The following SPAG16 variants were observed in gnomAD, a reference collection of about 807,000 sequenced individuals.
SPAG16 encodes sperm-associated antigen 16 protein.
Under a neutral mutation model 80.4 loss-of-function variants are expected in SPAG16, and 86 were observed. That is an observed-to-expected ratio of 1.07 (90% CI 0.90 to 1.28). The LOEUF (loss-of-function observed/expected upper bound fraction) is 1.28. Among genes scored for constraint, SPAG16 ranks in the 50% most tolerant of loss-of-function variants. The pLI, the probability that SPAG16 is intolerant of heterozygous loss-of-function variation, is 0.00. For synonymous variants in SPAG16, 294 were observed against 265.9 expected (o/e 1.11, Z -1.03); for missense variants, 870 against 765.3 (o/e 1.14, Z -1.61).
chr2:213,329,721 A>T (rs1432836321), intron 5 of SPAG16, among the ~76,000 whole-genome samples: 1 of 152,220 alleles, frequency 6.6e-6, no homozygotes, highest in Non-Finnish European at 1.5e-5. Context: ...GAGGAGCTGA[A>T]TGTTAATCAC....
chr2:213,726,308 C>T (rs1227325755), intron 10 of SPAG16, among the ~76,000 whole-genome samples: 1 of 152,234 alleles, frequency 6.6e-6, no homozygotes, highest in African/African-American at 2.4e-5. Flanking sequence ...TCCAGCAGGA[C>T]TGAGATCCAG....
At chr2:213,455,136 A>G (rs577386071) in intron 9 of SPAG16, among the ~76,000 whole-genome samples, 6 of 152,182 alleles carry the variant, frequency 3.9e-5, no homozygotes. Context: ...TTGACTTTTT[A>G]TTCATTTTCT....
chr2:214,289,538 A>G (rs537116201), intron 15 of SPAG16, among the ~76,000 whole-genome samples: 21 of 152,300 alleles, frequency 1.4e-4, no homozygotes, highest in Non-Finnish European at 2.4e-4. Flanking sequence ...TAAGTTGGCA[A>G]TAAATATATG....
At position 214,410,291 on chromosome 2, in the gene SPAG16, C is replaced by T. The variant is rs373093132; in HGVS notation, c.1872C>T (p.Asp624=). The change falls in exon 16 of 16, where the codon GAC becomes GAT. Residue 624 remains aspartate, a synonymous_variant. Coordinates refer to ENST00000331683, the MANE Select transcript of SPAG16 (RefSeq NM_024532.5). ...DGEILFSGGS[D]GTVRTWS ...AGATTCTCTTTTCTGGAGGCTCTGACGGCACAGTTCGAACGTGGTCTTGAC... is the reference window on the plus strand; with the variant it reads ...AGATTCTCTTTTCTGGAGGCTCTGATGGCACAGTTCGAACGTGGTCTTGAC... 1.9e-4 allele frequency: 298 copies of T among 1,606,028 alleles called. No homozygotes were observed. The highest frequency in any genetic ancestry group is 2.4e-4 in the Non-Finnish European group (280 of 1,173,204).
At chr2:214,272,616 T>G (rs1692118311) in intron 15 of SPAG16, among the ~76,000 whole-genome samples, 1 of 152,278 alleles carries the variant, frequency 6.6e-6, no homozygotes, top group Admixed American at 6.5e-5. Context: ...GCAAAGGACA[T>G]GAACTCATCC....
At chr2:214,111,920 C>A (rs559586881) in intron 14 of SPAG16, among the ~76,000 whole-genome samples, 2 of 151,926 alleles carry the variant, frequency 1.3e-5, no homozygotes, top group Non-Finnish European at 2.9e-5. Flanking sequence ...ATTTGGTTTC[C>A]TGTTTGTCTG....
intron 15 of SPAG16, among the ~76,000 whole-genome samples, chr2:214,247,885 G>A (rs948466106): frequency 2.6e-5 from 4 of 151,922 alleles, no homozygotes; most frequent in Admixed American, 1.3e-4. Flanking sequence ...TAAATTAGCG[G>A]GGCACGGTGG....
chr2:213,968,413 G>C (rs2044833764), intron 12 of SPAG16, among the ~76,000 whole-genome samples: 1 of 152,160 alleles, frequency 6.6e-6, no homozygotes, highest in Non-Finnish European at 1.5e-5. Context: ...GCCTGGTCTT[G>C]AACTCCTGAC....
intron 11 of SPAG16, among the ~76,000 whole-genome samples, chr2:213,866,682 T>A (rs1258724511): frequency 3.9e-5 from 6 of 152,164 alleles, no homozygotes; most frequent in Admixed American, 3.3e-4. Flanking sequence ...CAGGAAATAG[T>A]TCAAGAGGGG....
chr2:214,354,550 C>T (rs2126056660), intron 15 of SPAG16, among the ~76,000 whole-genome samples: 1 of 152,196 alleles, frequency 6.6e-6, no homozygotes, highest in South Asian at 2.1e-4. Flanking sequence ...TCATTGGTAG[C>T]TTGATGGGGA....
At chr2:213,356,763 A>T (rs1329506721) in intron 7 of SPAG16, among the ~76,000 whole-genome samples, 1 of 151,730 alleles carries the variant, frequency 6.6e-6, no homozygotes, top group South Asian at 2.1e-4. Context: ...TTCTGTTCTG[A>T]TCTTAGTTAT....
chr2:213,387,982 C>G (rs2125277731), intron 9 of SPAG16, among the ~76,000 whole-genome samples: 1 of 152,216 alleles, frequency 6.6e-6, no homozygotes, highest in South Asian at 2.1e-4. Flanking sequence ...AACAATGGCA[C>G]TAGCAAAATC....
At chr2:213,683,458 G>A (rs191034454) in intron 10 of SPAG16, among the ~76,000 whole-genome samples, 68 of 152,194 alleles carry the variant, frequency 4.5e-4, no homozygotes, top group South Asian at 2.9e-3. Flanking sequence ...GGCTGAGGCA[G>A]GAGAATGGCT....
chr2:213,551,919 A>T (rs1187532333), intron 10 of SPAG16, among the ~76,000 whole-genome samples: 2 of 152,180 alleles, frequency 1.3e-5, no homozygotes, highest in Non-Finnish European at 2.9e-5. Context: ...GACTATGCCC[A>T]GTAGCAATTC....
At chr2:214,271,496 T>A (rs1691997927) in intron 15 of SPAG16, among the ~76,000 whole-genome samples, 2 of 152,166 alleles carry the variant, frequency 1.3e-5, no homozygotes, top group Admixed American at 1.3e-4. Flanking sequence ...AAACAATATA[T>A]TGAAACCTTA....
At chr2:213,500,815 A>G (rs1194166916) in intron 10 of SPAG16, among the ~76,000 whole-genome samples, 3 of 152,254 alleles carry the variant, frequency 2.0e-5, no homozygotes, top group African/African-American at 7.2e-5. Flanking sequence ...TTCAGAAGGA[A>G]TTAAAAGGTG....
At chr2:213,681,584 C>A (rs143819585) in intron 10 of SPAG16, among the ~76,000 whole-genome samples, 125 of 152,190 alleles carry the variant, frequency 8.2e-4, no homozygotes, top group Middle Eastern at 3.4e-3. Context: ...CTGAGACAGG[C>A]ATCCATTCTT....
chr2:213,358,092 TC>T (rs2065769127), intron 7 of SPAG16, among the ~76,000 whole-genome samples: 1 of 152,202 alleles, frequency 6.6e-6, no homozygotes, highest in African/African-American at 2.4e-5. Context: ...GCCCCCACTC[TC>T]TTCTGGCTTG....
intron 10 of SPAG16, among the ~76,000 whole-genome samples, chr2:213,793,060 G>T (rs981623699): frequency 1.7e-4 from 26 of 151,992 alleles, no homozygotes; most frequent in Non-Finnish European, 3.5e-4. Context: ...CCAAATAGCT[G>T]GGATTACAGG....
Sources: gnomAD v4.1 joint callset for allele counts (sites outside exome capture counted in the v4.1 genomes callset) on GRCh38, gnomAD v4.1.1 for gene constraint, MANE v1.5 for transcripts, NCBI Gene and HGNC (gene_info 2026-07-23, HGNC 2026-07-21) for gene names.